The following ROR1 variants were observed in gnomAD, a reference collection of about 807,000 sequenced individuals.
The protein encoded by ROR1 is ROR family WNT receptor 1, also known as inactive tyrosine-protein kinase transmembrane receptor ROR1.
ROR1 carries 19 observed loss-of-function variants against 78.8 expected under a neutral mutation model. The observed-to-expected ratio is 0.24, with a 90% CI of 0.17 to 0.35. ROR1 has a LOEUF of 0.35. ROR1 is among the 10% of genes least tolerant of loss of function. ROR1 has a pLI of 1.00. For missense variants in ROR1, 917 were observed against 1,177.8 expected (o/e 0.78, Z 3.24); for synonymous variants, 386 against 433.6 (o/e 0.89, Z 1.36).
intron 4 of ROR1, among the ~76,000 whole-genome samples, chr1:64,065,331 T>G (rs577415675): frequency 3.5e-4 from 53 of 152,316 alleles, no homozygotes; most frequent in Non-Finnish European, 1.8e-4. Context: ...CTGTCCTTAT[T>G]GTGGGGAGAT....
At chr1:64,087,697 A>G (rs796141117) in intron 4 of ROR1, among the ~76,000 whole-genome samples, 41 of 152,330 alleles carry the variant, frequency 2.7e-4, no homozygotes, top group African/African-American at 9.4e-4. Context: ...AAAAAGAAAC[A>G]AAAATGTAGG....
At chr1:63,996,841 G>A (rs757229416) in intron 1 of ROR1, among the ~76,000 whole-genome samples, 8 of 152,138 alleles carry the variant, frequency 5.3e-5, no homozygotes, top group Admixed American at 2.0e-4. Flanking sequence ...AGGATTGGGT[G>A]AGGAGAGATC....
intron 4 of ROR1, among the ~76,000 whole-genome samples, chr1:64,124,440 C>T (rs1043695863): frequency 1.3e-5 from 2 of 151,936 alleles, no homozygotes; most frequent in Admixed American, 6.6e-5. Flanking sequence ...TCTTCACTGT[C>T]TATTCTCTCC....
At chr1:63,918,680 A>G (rs1016916565) in intron 1 of ROR1, among the ~76,000 whole-genome samples, 2 of 152,172 alleles carry the variant, frequency 1.3e-5, no homozygotes, top group Non-Finnish European at 2.9e-5. Context: ...GAAACACTCT[A>G]TATACTGTGC....
intron 2 of ROR1, among the ~76,000 whole-genome samples, chr1:64,010,634 T>A (rs1646468057): frequency 6.6e-6 from 1 of 152,222 alleles, no homozygotes; most frequent in Admixed American, 6.5e-5. Flanking sequence ...TATTGTCTAC[T>A]GACATAGTTT....
chr1:63,868,594 G>A (rs1193609921), intron 1 of ROR1, among the ~76,000 whole-genome samples: 1 of 152,218 alleles, frequency 6.6e-6, no homozygotes, highest in Non-Finnish European at 1.5e-5. Flanking sequence ...TTTAGGATTT[G>A]AAATAAGCTG....
chr1:63,926,800 GCTCT>G (rs1287020340), intron 1 of ROR1, among the ~76,000 whole-genome samples: 3 of 119,888 alleles, frequency 2.5e-5, no homozygotes, highest in South Asian at 6.8e-4. Context: ...TCATGATTTG[GCTCT>G]CTGTTTGTCT....
At chr1:63,917,533 C>A (rs1263233252) in intron 1 of ROR1, among the ~76,000 whole-genome samples, 1 of 152,120 alleles carries the variant, frequency 6.6e-6, no homozygotes, top group African/African-American at 2.4e-5. Flanking sequence ...CAACCAATCC[C>A]CTATTGCTAG....
At chr1:63,999,524 A>G (rs985984850) in intron 1 of ROR1, among the ~76,000 whole-genome samples, 3 of 152,022 alleles carry the variant, frequency 2.0e-5, no homozygotes, top group Admixed American at 6.6e-5. Flanking sequence ...CTATTGCAGC[A>G]TTTATCATAT....
rs1370037157 is a variant in ROR1, at chr1:63,774,834, G to T, written c.91+326G>T. Among the ~76,000 whole-genome samples the T allele has an allele frequency of 1.3e-5, 2 of 152,028 alleles. No homozygotes were observed. Among genetic ancestry groups the T allele is most frequent in the Admixed American group, 6.5e-5 (1 of 15,290 alleles). ...TGATCGGGGCACTTCTGTGCAGGGC[G>T]TCCCCCCTTGTCTCCCTGGACCTCT... is the stretch of plus-strand genomic sequence containing the variant. On this transcript the variant is annotated intron_variant, in intron 1 of 8. Coordinates refer to ENST00000371079, the MANE Select transcript of ROR1 (RefSeq NM_005012.4). This position sits in a 1 kb window ranked among gnomAD's most constrained non-coding sequence, Gnocchi z 5.7.
rs565540257 is a variant in ROR1, at chr1:64,143,474, T to A, written c.1174+824T>A. On this transcript the variant is annotated intron_variant, in intron 7 of 8. Coordinates refer to ENST00000371079, the MANE Select transcript of ROR1 (RefSeq NM_005012.4). Reference sequence around the variant, plus strand: ...CATAGATATCATAGATAATGCCAAGTTTCCCAGGCATAGTGGGAGAGTCAG... The same window carrying A: ...CATAGATATCATAGATAATGCCAAGATTCCCAGGCATAGTGGGAGAGTCAG... The A allele has an allele frequency of 3.2e-6, 3 of 924,282 alleles. No individual in the cohort carries two copies. In the East Asian group the frequency reaches 3.5e-4, roughly 108 times the overall value. The allele number at this position is 924,282 out of a possible 1,614,324, so 57.3% of individuals were successfully genotyped here. A position where few individuals can be genotyped will look rare whatever the true frequency, so the allele number is the denominator to read the frequency against.
At position 64,178,062 on chromosome 1, in the gene ROR1, A is replaced by T; in HGVS notation, c.2021A>T (p.Asp674Val). 2 of 1,614,090 alleles carry T rather than the reference A, an allele frequency of 1.2e-6. No individual in the cohort carries two copies. The highest frequency in any genetic ancestry group is 1.7e-6 in the Non-Finnish European group (2 of 1,180,026). ...TATGGCAAATTCTCTTCTGATTCAG[A>T]TATCTGGTCCTTTGGGGTTGTCTTG... ...IMYGKFSSDS[D>V]IWSFGVVLWE... is the part of the protein sequence containing the mutation. Residue 674 changes from aspartate (D) to valine (V), a missense_variant, in exon 9 of 9, where the codon GAT (aspartate) becomes GTT (valine). Asp to Val is a radical substitution (Grantham distance 152). Around this residue, in one of 3 missense-constraint regions of ROR1, gnomAD observed 835 missense variants for 1,069.8 expected, o/e 0.78. Coordinates refer to ENST00000371079, the MANE Select transcript of ROR1 (RefSeq NM_005012.4). This position sits in a 1 kb window ranked among gnomAD's most constrained non-coding sequence, Gnocchi z 4.3.
intron 2 of ROR1, among the ~76,000 whole-genome samples, chr1:64,044,511 T>C (rs577853428): frequency 9.2e-5 from 14 of 152,302 alleles, no homozygotes; most frequent in African/African-American, 3.4e-4. Flanking sequence ...CACTTAAGAA[T>C]ATCTTCCATG....
At chr1:63,788,661 A>G (rs1015899025) in intron 1 of ROR1, 2 of 190,976 alleles carry the variant, frequency 1.0e-5, no homozygotes, top group African/African-American at 4.7e-5. Flanking sequence ...TTTTATTTTA[A>G]TGGCTGATCT....
intron 1 of ROR1, among the ~76,000 whole-genome samples, chr1:63,971,254 G>C (rs12568740): frequency 6.6e-6 from 1 of 152,074 alleles, no homozygotes; most frequent in Non-Finnish European, 1.5e-5. Flanking sequence ...AAACCCCTTA[G>C]GCCTCACTTT....
intron 1 of ROR1, among the ~76,000 whole-genome samples, chr1:63,992,729 GATA>G (rs1363595448): frequency 6.6e-6 from 1 of 152,142 alleles, no homozygotes. Context: ...CCAAAATGAA[GATA>G]ATAACACATC....
chr1:64,006,282 G>T (rs142349701), intron 1 of ROR1, among the ~76,000 whole-genome samples: 1 of 152,128 alleles, frequency 6.6e-6, no homozygotes, highest in Non-Finnish European at 1.5e-5. Flanking sequence ...CTGAAATGCC[G>T]CCTTGGCTGC....
intron 1 of ROR1, among the ~76,000 whole-genome samples, chr1:63,951,350 C>T (rs1393580623): frequency 6.9e-6 from 1 of 144,588 alleles, no homozygotes. Flanking sequence ...ACCAAAGTCC[C>T]TTAAGAGCTG....
At chr1:64,059,653 G>A (rs115034381) in intron 4 of ROR1, among the ~76,000 whole-genome samples, 6,470 of 146,512 alleles carry the variant, frequency 0.044, 481 homozygotes, top group African/African-American at 0.15. Context: ...AGGTTGCAGT[G>A]AACCGAGATC....
Sources: gnomAD v4.1 joint callset for allele counts (sites outside exome capture counted in the v4.1 genomes callset) on GRCh38, gnomAD v4.1.1 for gene constraint, gnomAD v4.1.1 regional missense constraint, Gnocchi (gnomAD v3.1) non-coding constraint, MANE v1.5 for transcripts, NCBI Gene and HGNC (gene_info 2026-07-23, HGNC 2026-07-21) for gene names.